Variants in PFKM observed in about 807,000 individuals in gnomAD.
PFKM encodes the protein ATP-dependent 6-phosphofructokinase, muscle type.
In PFKM, 58 loss-of-function variants were observed where a neutral mutation model predicts 95.5. The observed-to-expected ratio is 0.61, with a 90% CI of 0.49 to 0.76. The LOEUF (loss-of-function observed/expected upper bound fraction) is 0.76, where lower values mean the gene tolerates loss of function less well. Ranked by LOEUF, PFKM falls within the 30% of genes least tolerant of loss-of-function variation. PFKM has a pLI of 0.00. For synonymous variants in PFKM, 336 were observed against 357.2 expected (o/e 0.94, Z 0.67); for missense variants, 678 against 1,005.4 (o/e 0.67, Z 4.40).
In PFKM at chr12:48,131,314, A is replaced by G; in HGVS notation, c.160-2A>G. 6.2e-7 allele frequency: 1 copy of G among 1,606,304 alleles called. No homozygotes were observed. The highest frequency in any genetic ancestry group is 8.5e-7 in the Non-Finnish European group (1 of 1,172,898). The stretch of plus-strand genomic sequence containing the variant: ...GCTGAACAGGTATAATGTGTCACAC[A>G]GGGTTATCAAGGCCTGGTGGATGGT... On this transcript the variant is annotated splice_acceptor_variant, in intron 3 of 22. Transcript: ENST00000359794. LOFTEE classifies it high-confidence loss of function.
rs752193772 is a variant in PFKM at position 48,122,812 on chromosome 12, G to A, written c.38G>A (p.Gly13Glu). The A allele has an allele frequency of 5.6e-6, 9 of 1,614,014 alleles. No homozygotes were observed. Among genetic ancestry groups the A allele is most frequent in the Non-Finnish European group, 7.6e-6 (9 of 1,179,992 alleles). The change falls in exon 2 of 23, where the codon GGG becomes GAG. Residue 13 changes from glycine to glutamate, a missense_variant. Gly to Glu is a moderately conservative substitution (Grantham distance 98). Coordinates refer to ENST00000359794, the MANE Select transcript of PFKM (RefSeq NM_000289.6). ...HEEHHAAKTL[G>E]IGKAIAVLTS... ...GAGCACCATGCAGCCAAAACCCTGG[G>A]GATTGGCAAAGCCATTGCTGTCTTA... is the stretch of plus-strand genomic sequence containing the variant.
intron 2 of PFKM, among the ~76,000 whole-genome samples, chr12:48,124,383 G>A (rs1480738654): frequency 1.3e-5 from 2 of 152,190 alleles, no homozygotes; most frequent in Admixed American, 6.5e-5. Context: ...CATTGATCCT[G>A]AAACCTTGGT....
At chr12:48,105,636 G>A (rs903227824), upstream of PFKM, 1 of 430,574 alleles carries the variant, frequency 2.3e-6, no homozygotes. Flanking sequence ...AGAAAGCCGA[G>A]CTTCCCGGTG....
At chr12:48,142,666 C>A in intron 17 of PFKM, 116 bp from the exon 18 acceptor site, 1 of 1,005,258 alleles carries the variant, frequency 9.9e-7, no homozygotes, top group Non-Finnish European at 1.6e-6. Context: ...GCTCTAAGGG[C>A]CCTGCTAGCC....
At chr12:48,108,207 G>T in intron 3 of PFKM, 1 of 1,593,996 alleles carries the variant, frequency 6.3e-7, no homozygotes, top group Non-Finnish European at 8.5e-7. Flanking sequence ...GAGGCATGTG[G>T]GTCAACAGTG....
Position 48,143,743 on chromosome 12 carries a change from T to A in PFKM, c.1819-10T>A, listed in dbSNP as rs1462667110. ...CCAGTTAGGCTTAGGATTTACTCTT[T>A]CATTTTCAGGCAAATGTTGAACATC... On this transcript the variant is annotated splice_polypyrimidine_tract_variant and intron_variant, in intron 18 of 22. Coordinates refer to ENST00000359794, the MANE Select transcript of PFKM (RefSeq NM_000289.6). 6.2e-7 allele frequency: 1 copy of A among 1,609,390 alleles called. No individual in the cohort carries two copies. The highest frequency in any genetic ancestry group is 2.2e-5 in the East Asian group (1 of 44,886).
In PFKM at chr12:48,134,801, A is replaced by T. The variant is rs1245518552; in HGVS notation, c.719A>T (p.Glu240Val). ...GAATGTCCACCAGATGACGACTGGG[A>T]GGAACACCTTTGTCGCCGACTCAGC... ...IPECPPDDDW[E>V]EHLCRRLSET... is the part of the protein sequence containing the mutation. The change falls in exon 8 of 23, where the codon GAG (glutamate) becomes GTG (valine). Residue 240 changes from glutamate (E) to valine (V), a missense_variant. Physicochemically the swap from Glu to Val is moderately radical, Grantham distance 121. Transcript: ENST00000359794. 1 of 1,613,960 alleles carries T rather than the reference A, an allele frequency of 6.2e-7. No individual in the cohort carries two copies. The highest frequency in any genetic ancestry group is 1.1e-5 in the South Asian group (1 of 91,066).
chr12:48,132,535 T>C (rs1230117854), intron 4 of PFKM, among the ~76,000 whole-genome samples: 1 of 152,234 alleles, frequency 6.6e-6, no homozygotes, highest in African/African-American at 2.4e-5. Flanking sequence ...AAGTCACTGC[T>C]TCTAAGATGT....
intron 11 of PFKM, 125 bp from the exon 12 acceptor site, chr12:48,139,160 G>T: frequency 1.3e-6 from 1 of 762,758 alleles, no homozygotes; most frequent in African/African-American, 1.7e-5. Flanking sequence ...AGGAAAGGTG[G>T]GGTGTAGAAT....
At chr12:48,134,338 C>G (rs1203676207) in intron 7 of PFKM, 62 bp downstream of exon 7, 5 of 1,386,676 alleles carry the variant, frequency 3.6e-6, no homozygotes, top group Non-Finnish European at 5.1e-6. Context: ...TCCTTTTCCC[C>G]AGAGAGTCCA....
intron 3 of PFKM, among the ~76,000 whole-genome samples, chr12:48,110,416 T>C (rs1352992605): frequency 1.3e-5 from 2 of 152,132 alleles, no homozygotes; most frequent in Non-Finnish European, 2.9e-5. Context: ...GGGTGGAGGA[T>C]GGATTGGAGA....
intron 4 of PFKM, chr12:48,131,607 G>T: frequency 1.6e-6 from 1 of 606,804 alleles, no homozygotes. Flanking sequence ...GTGATCACAG[G>T]ATGCTTTGCT....
chr12:48,145,090 G>T lies in PFKM; in HGVS notation c.2052G>T (p.Met684Ile). Residue 684 changes from methionine (M) to isoleucine (I), a missense_variant, in exon 21 of 23, where the codon ATG becomes ATT. By Grantham distance (10) the Met-to-Ile change is conservative. Coordinates refer to ENST00000359794, the MANE Select transcript of PFKM (RefSeq NM_000289.6). This position sits in a 1 kb window ranked among gnomAD's most constrained non-coding sequence, Gnocchi z 4.3. ...NFATKMGAKA[M>I]NWMSGKIKES... ...CCACTAAGATGGGCGCCAAGGCTATGAACTGGATGTCTGGGAAAATCAAAG... is the reference window on the plus strand; with the variant it reads ...CCACTAAGATGGGCGCCAAGGCTATTAACTGGATGTCTGGGAAAATCAAAG... 6.2e-7 allele frequency: 1 copy of T among 1,614,180 alleles called. No homozygotes were observed. The highest frequency in any genetic ancestry group is 1.1e-5 in the South Asian group (1 of 91,080).
chr12:48,130,233 T>G, intron 2 of PFKM, 130 bp from the exon 3 acceptor site: 2 of 770,492 alleles, frequency 2.6e-6, no homozygotes, highest in South Asian at 2.8e-5. Context: ...GAGAGGATTA[T>G]TCTAGATTCA....
intron 2 of PFKM, among the ~76,000 whole-genome samples, chr12:48,129,766 C>T (rs533374600): frequency 4.3e-4 from 66 of 152,292 alleles, no homozygotes; most frequent in Non-Finnish European, 7.8e-4. Flanking sequence ...TCCTGAAATG[C>T]CAACTAAAAG....
At chr12:48,114,500 A>G (rs72644846), upstream of PFKM, among the ~76,000 whole-genome samples, 34,538 of 152,042 alleles carry the variant, frequency 0.23, 4,667 homozygotes, top group East Asian at 0.59. Context: ...GTTGGGGAGC[A>G]AAGGCTGAAG....
At chr12:48,111,205 G>T (rs1031885043) in intron 3 of PFKM, among the ~76,000 whole-genome samples, 2 of 152,210 alleles carry the variant, frequency 1.3e-5, no homozygotes. Flanking sequence ...TTCCAAAGGA[G>T]TGCTGCTTCA....
At chr12:48,139,779 C>A in intron 12 of PFKM, 70 bp from the exon 13 acceptor site, 1 of 1,050,020 alleles carries the variant, frequency 9.5e-7, no homozygotes, top group Non-Finnish European at 1.5e-6. Flanking sequence ...CACTTCAGAC[C>A]AGGATCTCCA....
Position 48,108,022 on chromosome 12 carries a change from C to T in PFKM, c.83-50C>T, listed in dbSNP as rs768372233. On this transcript the variant is annotated intron_variant, in intron 2 of 24. Coordinates refer to the PFKM transcript ENST00000340802. ...AAAATGAAAGGGAGTAAGGAACACT[C>T]CCTTCCCAGAATCCCACCTTGAGGG... The T allele has an allele frequency of 2.5e-6, 4 of 1,591,236 alleles. No homozygotes were observed. The South Asian group carries it at 3.3e-5, about 13-fold the overall frequency.
Sources: allele counts gnomAD v4.1 joint callset (sites outside exome capture counted in the v4.1 genomes callset), GRCh38; gene constraint gnomAD v4.1.1; non-coding constraint Gnocchi (gnomAD v3.1); transcripts MANE v1.5; gene names NCBI Gene and HGNC (gene_info 2026-07-23, HGNC 2026-07-21).